The following ANK2 variants were observed in gnomAD, a reference collection of about 807,000 sequenced individuals.
ANK2 encodes the protein ankyrin 2.
ANK2 carries 83 observed loss-of-function variants against 360.5 expected under a neutral mutation model. That is an observed-to-expected ratio of 0.23 (90% confidence interval 0.19 to 0.28). The LOEUF is 0.28. ANK2 is among the 10% of genes least tolerant of loss of function. ANK2 has a pLI of 1.00. For synonymous variants in ANK2, 1,740 were observed against 1,759.5 expected, an observed-to-expected ratio of 0.99 and a Z score of 0.28; for missense variants, 4,201 against 4,795.7, an observed-to-expected ratio of 0.88 and a Z score of 3.66.
At chr4:113,134,819 G>C (rs1204304236) in intron 1 of ANK2, among the ~76,000 whole-genome samples, 2 of 152,012 alleles carry the variant, frequency 1.3e-5, no homozygotes, top group African/African-American at 4.8e-5. Context: ...AGTAAAACTT[G>C]ACAAAATCAG....
chr4:113,313,612 A>C (rs542656996), intron 24 of ANK2: 1 of 152,654 alleles, frequency 6.6e-6, no homozygotes, highest in South Asian at 2.1e-4. Flanking sequence ...TAGGCAATTC[A>C]ATATAAGTTA....
rs932658418 is a variant in ANK2, at chr4:113,186,734, T to A, written c.187-9634T>A. 7.2e-5 allele frequency among the ~76,000 whole-genome samples: 11 copies of A among 152,270 alleles called. No individual in the cohort carries two copies. In the East Asian group the frequency reaches 2.1e-3, roughly 29 times the overall value. On this transcript the variant is annotated intron_variant, in intron 2 of 45. Coordinates refer to ENST00000357077, the MANE Select transcript of ANK2 (RefSeq NM_001148.6). ...AGAAAAGAAAAAGGAAACCTTATTTTAAAATGGCAACTTCTTCAAATTGGG... is the reference window on the plus strand; with the variant it reads ...AGAAAAGAAAAAGGAAACCTTATTTAAAAATGGCAACTTCTTCAAATTGGG...
chr4:112,825,269 A>G (rs2058154287), intron 1 of ANK2, among the ~76,000 whole-genome samples: 1 of 152,188 alleles, frequency 6.6e-6, no homozygotes, highest in Non-Finnish European at 1.5e-5. Context: ...GCACACCAAC[A>G]TGGCACATGT....
intron 1 of ANK2, chr4:112,827,443 T>C: frequency 7.2e-7 from 1 of 1,381,910 alleles, no homozygotes; most frequent in Non-Finnish European, 1.0e-6. Flanking sequence ...AAGTGAGGGC[T>C]TAAAAGACAA....
intron 1 of ANK2, among the ~76,000 whole-genome samples, chr4:112,858,912 C>T (rs1292608294): frequency 5.3e-5 from 8 of 152,160 alleles, no homozygotes; most frequent in East Asian, 1.9e-4. Flanking sequence ...TCCCGTAAAA[C>T]CTTTGTGAAA....
the ANK2 span, among the ~76,000 whole-genome samples, chr4:112,733,198 A>G: frequency 1.3e-5 from 2 of 152,192 alleles, no homozygotes; most frequent in African/African-American, 4.8e-5. Context: ...CATGGGCGAC[A>G]AAACAAGACG....
At chr4:113,372,298 C>T (rs1200553832) in intron 43 of ANK2, among the ~76,000 whole-genome samples, 1 of 152,076 alleles carries the variant, frequency 6.6e-6, no homozygotes, top group Non-Finnish European at 1.5e-5. Context: ...TCTCCAACAG[C>T]TCTCAGAATT....
At chr4:112,852,267 A>G (rs924052348) in intron 1 of ANK2, among the ~76,000 whole-genome samples, 1 of 152,076 alleles carries the variant, frequency 6.6e-6, no homozygotes, top group Admixed American at 6.5e-5. Flanking sequence ...TGAAAAGCAA[A>G]CCCTTGACTC....
rs538693847 is a variant in ANK2 at position 113,165,252 on chromosome 4, A to G, written c.85-9164A>G. Among the ~76,000 whole-genome samples the G allele has an allele frequency of 4.3e-4, 66 of 152,314 alleles. 2 individuals are homozygous for G. The highest frequency in any genetic ancestry group is 1.3e-3 in the African/African-American group (56 of 41,574). ...TAAGTTTTTCATTATTTTATACCCA[A>G]TTAATACCAGTTGGAGATCCTAAAG... On this transcript the variant is annotated intron_variant, in intron 1 of 45. Coordinates refer to ENST00000357077, the MANE Select transcript of ANK2 (RefSeq NM_001148.6).
At chr4:113,292,892 CATTGAAATGTAAACTAAGCGGTGCA>C in intron 21 of ANK2, 1 of 366,362 alleles carries the variant, frequency 2.7e-6, no homozygotes, top group Non-Finnish European at 5.3e-6. Flanking sequence ...GTTGTGGAGC[CATTGAAATGTAAACTAAGCGGTGCA>C]ATTAAACGAA....
At chr4:113,234,422 CT>C (rs954687761) in intron 5 of ANK2, among the ~76,000 whole-genome samples, 1 of 152,128 alleles carries the variant, frequency 6.6e-6, no homozygotes, top group East Asian at 1.9e-4. Flanking sequence ...ATTAAAATTA[CT>C]TTTTTCCGAT....
intron 2 of ANK2, among the ~76,000 whole-genome samples, chr4:113,014,951 C>T (rs1257903846): frequency 2.7e-5 from 4 of 146,958 alleles, no homozygotes; most frequent in Non-Finnish European, 6.0e-5. Flanking sequence ...CTCCGCCCGC[C>T]GGGTTCACGC....
At chr4:113,036,858 C>T (rs10155204) in intron 2 of ANK2, among the ~76,000 whole-genome samples, 124,653 of 151,654 alleles carry the variant, frequency 0.82, 51,926 homozygotes, top group East Asian at 0.97. Context: ...ATAATGAAGA[C>T]AAAGGTTCCC....
chr4:112,877,753 T>G (rs1244607697), intron 1 of ANK2, among the ~76,000 whole-genome samples: 1 of 152,194 alleles, frequency 6.6e-6, no homozygotes, highest in Non-Finnish European at 1.5e-5. Context: ...TCTTTTTTAC[T>G]TACTGAACTC....
At chr4:112,816,934 C>T (rs1379503727), upstream of ANK2, among the ~76,000 whole-genome samples, 1 of 152,136 alleles carries the variant, frequency 6.6e-6, no homozygotes, top group Non-Finnish European at 1.5e-5. Flanking sequence ...TCACTTGAAC[C>T]CGGGAGGGGG....
At chr4:112,757,468 C>T in the ANK2 span, among the ~76,000 whole-genome samples, 2 of 152,292 alleles carry the variant, frequency 1.3e-5, no homozygotes, top group African/African-American at 4.8e-5. Flanking sequence ...CAAAAGTCTA[C>T]ATTGATGAAT....
chr4:113,327,358 A>T (rs1441689560), intron 26 of ANK2, among the ~76,000 whole-genome samples: 1 of 152,198 alleles, frequency 6.6e-6, no homozygotes, highest in African/African-American at 2.4e-5. Flanking sequence ...CCTGTAGGAG[A>T]ATATTTAACA....
At chr4:112,817,674 C>T (rs912641116), upstream of ANK2, among the ~76,000 whole-genome samples, 1 of 151,488 alleles carries the variant, frequency 6.6e-6, no homozygotes, top group Non-Finnish European at 1.5e-5. Context: ...TATATATAAA[C>T]TCTTATATAA....
intron 2 of ANK2, among the ~76,000 whole-genome samples, chr4:112,942,184 G>A (rs2094276704): frequency 6.6e-6 from 1 of 151,944 alleles, no homozygotes; most frequent in Non-Finnish European, 1.5e-5. Flanking sequence ...AGGATAGATA[G>A]GATCCTATCA....
Sources: allele counts gnomAD v4.1 joint callset (sites outside exome capture counted in the v4.1 genomes callset), GRCh38; gene constraint gnomAD v4.1.1; transcripts MANE v1.5; gene names NCBI Gene and HGNC (gene_info 2026-07-23, HGNC 2026-07-21).